The following ERBIN variants were observed in gnomAD, a reference collection of about 807,000 sequenced individuals.
The protein encoded by ERBIN is erbb2 interacting protein.
A neutral mutation model predicts 158.4 loss-of-function variants in ERBIN; 60 were observed. That is an observed-to-expected ratio of 0.38 (90% CI 0.31 to 0.47). ERBIN has a LOEUF of 0.47. Among genes scored for constraint, ERBIN ranks in the 20% least tolerant of loss-of-function variants. The probability of loss-of-function intolerance (pLI) is 0.99; values close to 1 mark genes in which losing one functional copy is unlikely to be tolerated. For synonymous variants in ERBIN, 594 were observed against 557.2 expected (o/e 1.07, Z -0.93); for missense variants, 1,610 against 1,648.0 (o/e 0.98, Z 0.40).
chr5:65,957,755 C>T (rs1200367105), intron 1 of ERBIN, among the ~76,000 whole-genome samples: 2 of 152,210 alleles, frequency 1.3e-5, no homozygotes, highest in East Asian at 1.9e-4. Flanking sequence ...GGGTGGAGGC[C>T]GGGCAGAGGG....
chr5:65,971,409 ATATT>A (rs1749230657), intron 1 of ERBIN, among the ~76,000 whole-genome samples: 1 of 152,192 alleles, frequency 6.6e-6, no homozygotes, highest in Admixed American at 6.5e-5. Context: ...ATGGAGGATC[ATATT>A]TATATATGAA....
Position 65,999,699 on chromosome 5 carries a change from A to G in ERBIN, c.307+4835A>G, listed in dbSNP as rs552959699. 2.6e-5 allele frequency among the ~76,000 whole-genome samples: 4 copies of G among 152,224 alleles called. No individual in the cohort carries two copies. In the South Asian group the frequency reaches 8.3e-4, roughly 32 times the overall value. On this transcript the variant is annotated intron_variant, in intron 4 of 25. Transcript: ENST00000284037. ...CAATTTCCATTTTTGAAGTGTTTAG[A>G]TCAGTTGGCTTTTGATTTGTGTGAC...
intron 1 of ERBIN, among the ~76,000 whole-genome samples, chr5:65,927,222 T>C (rs1742765523): frequency 6.6e-6 from 1 of 152,208 alleles, no homozygotes. Flanking sequence ...GTTATTGAGA[T>C]GGCTGCCGCG....
At chr5:65,966,955 A>G (rs922354581) in intron 1 of ERBIN, among the ~76,000 whole-genome samples, 2 of 152,116 alleles carry the variant, frequency 1.3e-5, no homozygotes, top group Non-Finnish European at 2.9e-5. Context: ...TCTTTTAAAT[A>G]GGAAGAAAAA....
intron 1 of ERBIN, among the ~76,000 whole-genome samples, chr5:65,943,281 A>G (rs753023779): frequency 1.5e-4 from 23 of 152,210 alleles, no homozygotes; most frequent in Non-Finnish European, 2.8e-4. Context: ...AATACTCTCT[A>G]ATCAGGCACT....
In ERBIN at chr5:66,002,209, C is replaced by T. The variant is rs1390996535; in HGVS notation, c.307+7345C>T. On this transcript the variant is annotated intron_variant, in intron 4 of 25. Coordinates refer to ENST00000284037, the MANE Select transcript of ERBIN (RefSeq NM_001253697.2). ...ATGTGCCACATTTTCTTTATCCAAT[C>T]TGTCATTGATGGGCATTTGAGTTGG... is the stretch of plus-strand genomic sequence containing the variant. Among the ~76,000 whole-genome samples the T allele has an allele frequency of 3.3e-5, 5 of 152,266 alleles. No homozygotes were observed. In the South Asian group the frequency reaches 8.3e-4, roughly 25 times the overall value.
At chr5:65,929,020 A>G (rs577081071) in intron 1 of ERBIN, among the ~76,000 whole-genome samples, 2 of 152,350 alleles carry the variant, frequency 1.3e-5, no homozygotes, top group African/African-American at 4.8e-5. Flanking sequence ...GAAGGTAATC[A>G]TGAATTTTCA....
In ERBIN at chr5:66,054,812, C is replaced by T. The variant is rs752671816; in HGVS notation, c.3494C>T (p.Ser1165Leu). ...ATGTCAGTTAGTGATTTCAATTATT[C>T]ACGGACTAGTCCTTCAAAAAGACCA... is the stretch of plus-strand genomic sequence containing the variant. ...RTMSVSDFNY[S>L]RTSPSKRPNA... Residue 1165 changes from serine (S) to leucine (L), a missense_variant, in exon 21 of 26, where the codon TCA (serine) becomes TTA (leucine). Around this residue, in one of 2 missense-constraint regions of ERBIN, gnomAD observed 1,014 missense variants for 936.1 expected, o/e 1.08. Coordinates refer to ENST00000284037, the MANE Select transcript of ERBIN (RefSeq NM_001253697.2). 1.2e-6 allele frequency: 2 copies of T among 1,613,970 alleles called. No individual in the cohort carries two copies. The highest frequency in any genetic ancestry group is 1.7e-6 in the Non-Finnish European group (2 of 1,179,998).
In ERBIN at chr5:65,991,304, T is replaced by C. The variant is rs556299390; in HGVS notation, c.-9-1406T>C. ...TTTAAAACATTTTATTAAGATATTG[T>C]ATTTATCTTGATTACTGAATTTTTT... On this transcript the variant is annotated intron_variant, in intron 2 of 25. Coordinates refer to ENST00000284037, the MANE Select transcript of ERBIN (RefSeq NM_001253697.2). Among the ~76,000 whole-genome samples the C allele has an allele frequency of 6.6e-5, 10 of 152,298 alleles. No individual in the cohort carries two copies. The South Asian group carries it at 1.7e-3, about 25-fold the overall frequency.
intron 4 of ERBIN, among the ~76,000 whole-genome samples, chr5:66,008,641 G>A (rs753961638): frequency 1.9e-4 from 29 of 151,974 alleles, no homozygotes; most frequent in African/African-American, 4.1e-4. Flanking sequence ...ACTTTATCAT[G>A]TACTAAAAAT....
At position 66,070,006 on chromosome 5, in the gene ERBIN, G is replaced by A. The variant is rs985852894; in HGVS notation, c.3634-2163G>A. On this transcript the variant is annotated intron_variant, in intron 21 of 25. Transcript: ENST00000284037. The stretch of plus-strand genomic sequence containing the variant: ...TGCTGTTAAGAGTGGCAGCAGTTAC[G>A]TTGAAACCTCCCAATTTTATTTATT... Among the ~76,000 whole-genome samples, 4 of 152,178 alleles carry A rather than the reference G, an allele frequency of 2.6e-5. No individual in the cohort carries two copies. In the East Asian group the frequency reaches 5.8e-4, roughly 22 times the overall value.
At chr5:66,046,316 T>TA (rs754817238) in intron 17 of ERBIN, 37 bp from the exon 18 acceptor site, 5 of 1,252,056 alleles carry the variant, frequency 4.0e-6, no homozygotes, top group Non-Finnish European at 5.4e-6. Context: ...ATATAAAACT[T>TA]AAAGAATATG....
At chr5:65,943,905 T>C (rs1745396851) in intron 1 of ERBIN, among the ~76,000 whole-genome samples, 1 of 152,222 alleles carries the variant, frequency 6.6e-6, no homozygotes, top group Non-Finnish European at 1.5e-5. Context: ...GTGTCTATTA[T>C]TTTGACCAAG....
rs2151108251 is a variant in ERBIN, at chr5:66,013,604, G to A, written c.442G>A (p.Ala148Thr). The change falls in exon 6 of 26, where the codon GCT becomes ACT. Residue 148 changes from alanine (A) to threonine (T), a missense_variant. Physicochemically the swap from Ala to Thr is moderately conservative, Grantham distance 58 (BLOSUM62 0). This residue lies in a region of ERBIN where 596 missense variants were observed against 711.9 expected (regional missense o/e 0.84). Coordinates refer to ENST00000284037, the MANE Select transcript of ERBIN (RefSeq NM_001253697.2). ...CCTAACCCAGTTGTATCTGAATGAT[G>A]CTTTTCTTGAGTTCTTGCCAGCAAA... is the stretch of plus-strand genomic sequence containing the variant. ...LNLTQLYLND[A>T]FLEFLPANFG... 1.9e-6 allele frequency: 3 copies of A among 1,613,424 alleles called. No individual in the cohort carries two copies. Among genetic ancestry groups the A allele is most frequent in the Non-Finnish European group, 1.7e-6 (2 of 1,179,564 alleles).
intron 4 of ERBIN, among the ~76,000 whole-genome samples, chr5:65,995,631 G>A (rs931966719): frequency 6.6e-6 from 1 of 152,102 alleles, no homozygotes; most frequent in African/African-American, 2.4e-5. Context: ...CATTCACTTT[G>A]ATACATATCC....
In ERBIN at chr5:66,028,259, AT is replaced by A; in HGVS notation, c.1137-8del. ...ATTTTAAAGTTTAATTTTTGTTTGT[AT>A]TTTTTTCCTACAGATTAAAGAATTT... On this transcript the variant is annotated splice_polypyrimidine_tract_variant and intron_variant, in intron 13 of 25. Transcript: ENST00000284037. 1 of 1,590,746 alleles carries A rather than the reference AT, an allele frequency of 6.3e-7. No homozygotes were observed. The highest frequency in any genetic ancestry group is 8.6e-7 in the Non-Finnish European group (1 of 1,164,162).
rs552505166 is a variant in ERBIN at position 66,079,833 on chromosome 5, C to G, written c.*1303C>G. The G allele has an allele frequency of 6.6e-6, 1 of 152,358 alleles. No homozygotes were observed. Among genetic ancestry groups the G allele is most frequent in the South Asian group, 2.1e-4 (1 of 4,816 alleles). 9.4% of individuals were successfully genotyped at this position (152,358 alleles called of 1,614,324 possible). ...TTACCACCAACTGCCTTTCTTTGTT[C>G]CTAGTTACTGTAACAAATATTTGAT... On this transcript the variant is annotated 3_prime_UTR_variant, in exon 26 of 26. Coordinates refer to ENST00000284037, the MANE Select transcript of ERBIN (RefSeq NM_001253697.2).
chr5:65,966,136 C>T (rs1180399974), intron 1 of ERBIN, among the ~76,000 whole-genome samples: 2 of 152,088 alleles, frequency 1.3e-5, no homozygotes, highest in East Asian at 1.9e-4. Context: ...ATGTTGGTTT[C>T]ATAACATTAT....
Position 65,978,614 on chromosome 5 carries a change from A to G in ERBIN, c.-57-10021A>G, listed in dbSNP as rs150091781. On this transcript the variant is annotated intron_variant, in intron 1 of 25. Transcript: ENST00000284037. ...GGGGGCAGGTGCCTAGTATCAGTAT[A>G]GGCGGATAATATGGAGAGACATTGA... is the stretch of plus-strand genomic sequence containing the variant. 1.8e-4 allele frequency among the ~76,000 whole-genome samples: 27 copies of G among 152,376 alleles called. No homozygotes were observed. In the South Asian group the frequency reaches 2.7e-3, roughly 15 times the overall value.
Sources: allele counts gnomAD v4.1 joint callset (sites outside exome capture counted in the v4.1 genomes callset), GRCh38; gene constraint gnomAD v4.1.1; regional missense constraint gnomAD v4.1.1; transcripts MANE v1.5; gene names NCBI Gene and HGNC (gene_info 2026-07-23, HGNC 2026-07-21).